Variants in RPGRIP1 observed in about 807,000 individuals in gnomAD.
RPGRIP1 encodes X-linked retinitis pigmentosa GTPase regulator-interacting protein 1.
A neutral mutation model predicts 157.9 loss-of-function variants in RPGRIP1; 128 were observed. The observed-to-expected ratio is 0.81, with a 90% CI of 0.70 to 0.94. The LOEUF (loss-of-function observed/expected upper bound fraction) is 0.94, where lower values mean the gene tolerates loss of function less well. Among genes scored for constraint, RPGRIP1 ranks in the 40% least tolerant of loss-of-function variants. The pLI, the probability that RPGRIP1 is intolerant of heterozygous loss-of-function variation, is 0.00. For synonymous variants in RPGRIP1, 554 were observed against 571.6 expected, an observed-to-expected ratio of 0.97 and a Z score of 0.44; for missense variants, 1,486 against 1,545.8, an observed-to-expected ratio of 0.96 and a Z score of 0.65.
In RPGRIP1 at chr14:21,288,081, A is replaced by T. The variant is rs761987893; in HGVS notation, c.85+20A>T. The T allele has an allele frequency of 5.2e-5, 78 of 1,490,534 alleles. No homozygotes were observed. Among genetic ancestry groups the T allele is most frequent in the Non-Finnish European group, 6.8e-5 (73 of 1,067,660 alleles). 92.3% of individuals were successfully genotyped at this position (1,490,534 alleles called of 1,614,324 possible). On this transcript the variant is annotated intron_variant, in intron 2 of 24. Coordinates refer to ENST00000400017, the MANE Select transcript of RPGRIP1 (RefSeq NM_020366.4). ...CAAAAGGTAACTTCTACGCCTGAGG[A>T]TGGACACCTTTTAGAATTAAAAGAA...
chr14:21,322,455 G>A (rs536162645), intron 14 of RPGRIP1, among the ~76,000 whole-genome samples: 40 of 152,068 alleles, frequency 2.6e-4, no homozygotes, highest in African/African-American at 7.0e-4. Context: ...CACTGCGCCC[G>A]GCCCATCTTT....
intron 18 of RPGRIP1, 74 bp from the exon 19 acceptor site, chr14:21,328,350 C>T: frequency 9.1e-7 from 1 of 1,099,194 alleles, no homozygotes; most frequent in Non-Finnish European, 1.3e-6. Context: ...AACACTAGTT[C>T]CCAAATCCCT....
intron 24 of RPGRIP1, among the ~76,000 whole-genome samples, chr14:21,350,391 A>AACAAAC (rs1555307773): frequency 0.023 from 3,263 of 142,582 alleles, 118 homozygotes; most frequent in Non-Finnish European, 0.026. Flanking sequence ...AAAAAAAAAA[A>AACAAAC]AAAAAGAAAA....
chr14:21,280,241 C>CT (rs35642254), intron 1 of RPGRIP1, among the ~76,000 whole-genome samples, 82 bp downstream of exon 1: 40,084 of 109,506 alleles, frequency 0.37, 7,998 homozygotes, highest in East Asian at 0.65. Flanking sequence ...TAAGTTTATT[C>CT]TTTTTTTTTT....
chr14:21,284,360 A>G (rs945943729), intron 1 of RPGRIP1, among the ~76,000 whole-genome samples: 2 of 152,140 alleles, frequency 1.3e-5, no homozygotes, highest in Non-Finnish European at 2.9e-5. Flanking sequence ...AGAGCCAGAC[A>G]GTGGCATTTA....
At chr14:21,290,484 G>A (rs767079083) in intron 2 of RPGRIP1, among the ~76,000 whole-genome samples, 2 of 152,110 alleles carry the variant, frequency 1.3e-5, no homozygotes, top group African/African-American at 2.4e-5. Context: ...GACTAGCCTG[G>A]TCAGAACAGT....
chr14:21,293,738 G>T (rs749069663), intron 2 of RPGRIP1, among the ~76,000 whole-genome samples: 4 of 152,174 alleles, frequency 2.6e-5, no homozygotes, highest in African/African-American at 9.7e-5. Context: ...AATTAGCCAG[G>T]TGTGGTGGCT....
chr14:21,343,550 G>A (rs1317633395), intron 22 of RPGRIP1, among the ~76,000 whole-genome samples: 1 of 152,114 alleles, frequency 6.6e-6, no homozygotes, highest in Non-Finnish European at 1.5e-5. Flanking sequence ...GAATGCAGTG[G>A]TGTGATCTTG....
intron 11 of RPGRIP1, 78 bp downstream of exon 11, chr14:21,317,928 AT>A: frequency 1.6e-6 from 2 of 1,231,068 alleles, no homozygotes; most frequent in Non-Finnish European, 2.3e-6. Flanking sequence ...TTGAGCCATC[AT>A]TTCTTTAATC....
intron 24 of RPGRIP1, 104 bp from the exon 25 acceptor site, chr14:21,351,000 A>C: frequency 1.6e-6 from 1 of 626,524 alleles, no homozygotes; most frequent in South Asian, 2.2e-5. Context: ...CCTCTTATGA[A>C]ATGGGTAATT....
At chr14:21,337,118 G>A (rs1239536855) in intron 21 of RPGRIP1, among the ~76,000 whole-genome samples, 3 of 152,010 alleles carry the variant, frequency 2.0e-5, no homozygotes, top group Admixed American at 1.3e-4. Flanking sequence ...TCTGCCTGGG[G>A]TCAGCTGGGA....
intron 6 of RPGRIP1, among the ~76,000 whole-genome samples, chr14:21,304,770 A>G (rs952287171): frequency 6.6e-6 from 1 of 151,804 alleles, no homozygotes; most frequent in Non-Finnish European, 1.5e-5. Flanking sequence ...ATCATTTAAT[A>G]GTTTACATTA....
At chr14:21,333,718 AG>A (rs959380184) in intron 20 of RPGRIP1, among the ~76,000 whole-genome samples, 7 of 152,138 alleles carry the variant, frequency 4.6e-5, no homozygotes, top group Non-Finnish European at 8.8e-5. Flanking sequence ...CAAGACAGCA[AG>A]GTACAAGTCC....
chr14:21,347,898 T>A (rs1885725478), intron 23 of RPGRIP1, among the ~76,000 whole-genome samples: 1 of 152,078 alleles, frequency 6.6e-6, no homozygotes, highest in African/African-American at 2.4e-5. Flanking sequence ...GCTAATTTTT[T>A]ATTTTTTTTG....
intron 3 of RPGRIP1, among the ~76,000 whole-genome samples, chr14:21,297,839 T>TTCTC (rs1880852507): frequency 6.9e-6 from 1 of 144,796 alleles, no homozygotes; most frequent in African/African-American, 2.6e-5. Context: ...AAATTATTCT[T>TTCTC]TCTTTCTTTC....
At position 21,303,499 on chromosome 14, in the gene RPGRIP1, A is replaced by G. The variant is rs1243678993; in HGVS notation, c.756A>G (p.Glu252=). The G allele has an allele frequency of 1.2e-6, 2 of 1,613,960 alleles. No individual in the cohort carries two copies. The highest frequency in any genetic ancestry group is 4.5e-5 in the East Asian group (2 of 44,880). ...EKMWPKDENF[E]QRSSLECAQK... is the part of the protein sequence containing the mutation. ...TGTGGCCTAAAGATGAAAATTTTGAACAGAGAAGCTCATTGGAGTGTGCTC... is the reference window on the plus strand; with the variant it reads ...TGTGGCCTAAAGATGAAAATTTTGAGCAGAGAAGCTCATTGGAGTGTGCTC... The change falls in exon 6 of 25, where the codon GAA becomes GAG. Residue 252 remains glutamate, a synonymous_variant. Transcript: ENST00000400017.
chr14:21,284,941 T>G (rs1880248684), intron 1 of RPGRIP1, among the ~76,000 whole-genome samples: 3 of 152,156 alleles, frequency 2.0e-5, no homozygotes. Flanking sequence ...AGTCCCTCAG[T>G]GTCATTCTCT....
chr14:21,301,713 TAATAATAATAAA>T (rs879520489), intron 4 of RPGRIP1, among the ~76,000 whole-genome samples: 2,314 of 119,394 alleles, frequency 0.019, 50 homozygotes, highest in East Asian at 0.08. Flanking sequence ...ATAATAATAA[TAATAATAATAAA>T]AAATTAGCCA....
rs375230365 is a variant in RPGRIP1 at position 21,301,545 on chromosome 14, C to T, written c.490+308C>T. Among the ~76,000 whole-genome samples, 48 of 151,972 alleles carry T rather than the reference C, an allele frequency of 3.2e-4. No homozygotes were observed. The South Asian group carries it at 4.8e-3, about 15-fold the overall frequency. ...TACAAAAATTAGCTGGGCATGGTGG[C>T]GCGCACCTGTAGTCCCAGTTATTCG... On this transcript the variant is annotated intron_variant, in intron 4 of 24. Coordinates refer to ENST00000400017, the MANE Select transcript of RPGRIP1 (RefSeq NM_020366.4).
Sources: gnomAD v4.1 joint callset for allele counts (sites outside exome capture counted in the v4.1 genomes callset) on GRCh38, gnomAD v4.1.1 for gene constraint, MANE v1.5 for transcripts, NCBI Gene and HGNC (gene_info 2026-07-23, HGNC 2026-07-21) for gene names.